NFIB: variants seen among roughly 807,000 people sequenced by gnomAD.
NFIB encodes the protein nuclear factor 1 B-type.
In NFIB, 11 loss-of-function variants were observed where a neutral mutation model predicts 61.5. The observed-to-expected ratio is 0.18, with a 90% CI of 0.11 to 0.30. NFIB has a LOEUF of 0.30. Ranked by LOEUF, NFIB falls within the 10% of genes least tolerant of loss-of-function variation. NFIB has a pLI of 1.00. For missense variants in NFIB, 471 were observed against 608.9 expected, an observed-to-expected ratio of 0.77 and a Z score of 2.38; for synonymous variants, 260 against 216.5, an observed-to-expected ratio of 1.20 and a Z score of -1.76.
intron 1 of NFIB, among the ~76,000 whole-genome samples, chr9:14,338,393 C>CAAAAAA (rs35741300): frequency 6.7e-6 from 1 of 148,360 alleles, no homozygotes; most frequent in African/African-American, 2.5e-5. Context: ...GACTCTGTCT[C>CAAAAAA]AAAAAAAAAA....
chr9:14,524,998 T>C, the NFIB span, among the ~76,000 whole-genome samples: 8 of 152,340 alleles, frequency 5.3e-5, no homozygotes, highest in Admixed American at 4.6e-4. Flanking sequence ...TGGAAACATT[T>C]TGCTTGCCAA....
chr9:14,359,939 T>C (rs1588366246), intron 1 of NFIB, among the ~76,000 whole-genome samples: 1 of 152,252 alleles, frequency 6.6e-6, no homozygotes, highest in East Asian at 1.9e-4. Context: ...ACTAGATTTT[T>C]AAATATTACA....
At chr9:14,152,227 A>C in intron 4 of NFIB, among the ~76,000 whole-genome samples, 1 of 152,108 alleles carries the variant, frequency 6.6e-6, no homozygotes, top group East Asian at 1.9e-4. Context: ...CATGTTATAT[A>C]ATACACTGTA....
At chr9:14,312,262 T>G (rs1004049975) in intron 1 of NFIB, among the ~76,000 whole-genome samples, 4 of 152,258 alleles carry the variant, frequency 2.6e-5, no homozygotes, top group African/African-American at 9.6e-5. Context: ...TGGCTTCTAA[T>G]TGTCATACAA....
chr9:14,231,135 A>AAAAAAAATAT (rs55959148), intron 2 of NFIB, among the ~76,000 whole-genome samples: 1 of 35,344 alleles, frequency 2.8e-5, no homozygotes, highest in Non-Finnish European at 5.4e-5. Context: ...AAAAAAAAAA[A>AAAAAAAATAT]ATATATATAT....
At chr9:14,465,265 C>T in the NFIB span, among the ~76,000 whole-genome samples, 17 of 152,174 alleles carry the variant, frequency 1.1e-4, no homozygotes, top group African/African-American at 4.1e-4. Flanking sequence ...CTGGAACCTT[C>T]TAATGTTCTC....
chr9:14,092,240 G>C (rs573427599), intron 10 of NFIB, among the ~76,000 whole-genome samples: 1 of 152,228 alleles, frequency 6.6e-6, no homozygotes, highest in East Asian at 1.9e-4. Context: ...GATGTGGAAA[G>C]GAATGTAGAC....
chr9:14,407,415 G>C, the NFIB span, among the ~76,000 whole-genome samples: 1 of 152,212 alleles, frequency 6.6e-6, no homozygotes, highest in Non-Finnish European at 1.5e-5. Context: ...GGTAAATTGT[G>C]ATGAGACAAG....
the NFIB span, among the ~76,000 whole-genome samples, chr9:14,449,838 G>A: frequency 6.6e-6 from 1 of 152,066 alleles, no homozygotes; most frequent in Non-Finnish European, 1.5e-5. Context: ...GGAGGCTGAG[G>A]CATGAGAATC....
chr9:14,239,921 T>G (rs1371630026), intron 2 of NFIB, among the ~76,000 whole-genome samples: 1 of 152,026 alleles, frequency 6.6e-6, no homozygotes, highest in East Asian at 1.9e-4. Context: ...GAAGAAAATT[T>G]AGAGGGGATG....
At chr9:14,113,902 C>A (rs545787138) in intron 9 of NFIB, among the ~76,000 whole-genome samples, 378 of 149,076 alleles carry the variant, frequency 2.5e-3, no homozygotes, top group Non-Finnish European at 3.5e-3. Flanking sequence ...TTCACACACA[C>A]AAAAAAAAAA....
chr9:14,125,452 A>G (rs1434714154), intron 7 of NFIB, among the ~76,000 whole-genome samples, 180 bp downstream of exon 7: 2 of 152,184 alleles, frequency 1.3e-5, no homozygotes, highest in South Asian at 4.1e-4. Flanking sequence ...CCCTGCACCC[A>G]GAGAAATCTT....
chr9:14,168,046 T>C (rs1465238667), intron 3 of NFIB, among the ~76,000 whole-genome samples: 2 of 152,150 alleles, frequency 1.3e-5, no homozygotes, highest in Non-Finnish European at 2.9e-5. Flanking sequence ...AGAAAAATAT[T>C]CCAAATAATC....
At chr9:14,486,248 C>T in the NFIB span, among the ~76,000 whole-genome samples, 27 of 152,008 alleles carry the variant, frequency 1.8e-4, no homozygotes, top group Non-Finnish European at 3.1e-4. Context: ...ACCAAATGTC[C>T]GGAGAGTGAG....
the NFIB span, among the ~76,000 whole-genome samples, chr9:14,500,768 G>C: frequency 6.6e-6 from 1 of 152,000 alleles, no homozygotes; most frequent in African/African-American, 2.4e-5. Context: ...GAGAATATTC[G>C]TCTTTGTTTC....
the NFIB span, among the ~76,000 whole-genome samples, chr9:14,490,052 T>C: frequency 4.6e-3 from 698 of 152,318 alleles, 17 homozygotes; most frequent in Admixed American, 0.032. Context: ...TTCCTAGAAG[T>C]AGAAATGGGT....
chr9:14,184,027 A>T (rs2047081810), intron 2 of NFIB, among the ~76,000 whole-genome samples: 1 of 152,216 alleles, frequency 6.6e-6, no homozygotes, highest in African/African-American at 2.4e-5. Context: ...GACCCTTACC[A>T]ACTTTTCAAT....
the NFIB span, among the ~76,000 whole-genome samples, chr9:14,433,982 G>A: frequency 3.3e-5 from 5 of 152,110 alleles, no homozygotes; most frequent in Admixed American, 2.0e-4. Context: ...CGGCCACAAC[G>A]CAGAGTACTA....
intron 6 of NFIB, among the ~76,000 whole-genome samples, chr9:14,127,317 A>G (rs558963692): frequency 6.6e-6 from 1 of 152,350 alleles, no homozygotes; most frequent in South Asian, 2.1e-4. Context: ...AATGTTATAA[A>G]AATGATGAGC....
Sources: gnomAD v4.1 joint callset for allele counts (sites outside exome capture counted in the v4.1 genomes callset) on GRCh38, gnomAD v4.1.1 for gene constraint, MANE v1.5 for transcripts, NCBI Gene and HGNC (gene_info 2026-07-23, HGNC 2026-07-21) for gene names.